The following CREB5 variants were observed in gnomAD, a reference collection of about 807,000 sequenced individuals.
CREB5 encodes the protein cAMP responsive element binding protein 5.
In CREB5, 19 loss-of-function variants were observed where a neutral mutation model predicts 57.1. That is an observed-to-expected ratio of 0.33 (90% CI 0.23 to 0.49). CREB5 has a LOEUF of 0.49. Among genes scored for constraint, CREB5 ranks in the 20% least tolerant of loss-of-function variants. CREB5 has a pLI of 0.99. For missense variants in CREB5, 579 were observed against 671.6 expected (o/e 0.86, Z 1.52); for synonymous variants, 238 against 238.3 (o/e 1.00, Z 0.01).
chr7:28,709,452 G>A (rs533987721), intron 5 of CREB5, among the ~76,000 whole-genome samples: 1 of 152,016 alleles, frequency 6.6e-6, no homozygotes, highest in Non-Finnish European at 1.5e-5. Flanking sequence ...CACTAAAGAA[G>A]CCAAAAAAAG....
At chr7:28,548,247 T>A (rs1189832224) in intron 4 of CREB5, among the ~76,000 whole-genome samples, 2 of 152,134 alleles carry the variant, frequency 1.3e-5, no homozygotes, top group Admixed American at 6.6e-5. Flanking sequence ...TGCAGCTCCA[T>A]CTCCTCTATC....
intron 7 of CREB5, among the ~76,000 whole-genome samples, chr7:28,755,831 C>T (rs1379446114): frequency 6.6e-6 from 1 of 152,022 alleles, no homozygotes; most frequent in African/African-American, 2.4e-5. Context: ...TTCAGGTAGG[C>T]CCTAAAATCT....
chr7:28,338,705 C>T (rs1182945210), intron 1 of CREB5, among the ~76,000 whole-genome samples: 2 of 152,112 alleles, frequency 1.3e-5, no homozygotes, highest in African/African-American at 4.8e-5. Context: ...TTTGAATAAA[C>T]TTTTTACTCC....
At chr7:28,313,596 C>A (rs1363680732) in intron 1 of CREB5, among the ~76,000 whole-genome samples, 4 of 152,078 alleles carry the variant, frequency 2.6e-5, no homozygotes, top group African/African-American at 9.7e-5. Context: ...TTTGAGTGCC[C>A]AGTGTGTTTC....
At chr7:28,337,866 G>C (rs543416751) in intron 1 of CREB5, among the ~76,000 whole-genome samples, 1 of 151,564 alleles carries the variant, frequency 6.6e-6, no homozygotes, top group East Asian at 1.9e-4. Context: ...TTGTGTATTC[G>C]TTGTATGTTT....
chr7:28,358,562 C>T (rs1173159093), intron 1 of CREB5, among the ~76,000 whole-genome samples: 1 of 152,188 alleles, frequency 6.6e-6, no homozygotes, highest in Non-Finnish European at 1.5e-5. Context: ...CCTTGATTGC[C>T]AATTAGCCAG....
chr7:28,776,101 GC>G (rs1236065388), intron 7 of CREB5, among the ~76,000 whole-genome samples: 1 of 151,934 alleles, frequency 6.6e-6, no homozygotes, highest in East Asian at 1.9e-4. Flanking sequence ...GCTTTGGGAG[GC>G]CGAGGCGGGC....
intron 4 of CREB5, among the ~76,000 whole-genome samples, chr7:28,555,475 T>G (rs1413109548): frequency 6.6e-6 from 1 of 152,252 alleles, no homozygotes; most frequent in Non-Finnish European, 1.5e-5. Flanking sequence ...TTTGACTTTT[T>G]AGGGAAGATT....
At chr7:28,735,000 C>T (rs1803889162) in intron 7 of CREB5, among the ~76,000 whole-genome samples, 1 of 152,168 alleles carries the variant, frequency 6.6e-6, no homozygotes, top group Admixed American at 6.5e-5. Context: ...TCCTCTGCTG[C>T]ATTTTGAAAA....
intron 9 of CREB5, 150 bp from the exon 10 acceptor site, chr7:28,817,921 A>T (rs1809533067): frequency 5.4e-6 from 3 of 556,448 alleles, no homozygotes; most frequent in East Asian, 6.3e-5. Context: ...GGTAAGCTAC[A>T]AACTTTCAGG....
In CREB5 at chr7:28,506,706, C is replaced by T. The variant is rs183944553; in HGVS notation, c.170-910C>T. On this transcript the variant is annotated intron_variant, in intron 3 of 10. Coordinates refer to ENST00000357727, the MANE Select transcript of CREB5 (RefSeq NM_182898.4). ...ATTTACACAATTTTATTTGTCTCAA[C>T]TCAAGTACACCTTCACCAAGGAAGA... is the stretch of plus-strand genomic sequence containing the variant. Among the ~76,000 whole-genome samples, 564 of 152,334 alleles carry T rather than the reference C, an allele frequency of 3.7e-3. 4 individuals are homozygous for T. Among genetic ancestry groups the T allele is most frequent in the Admixed American group, 6.1e-3 (93 of 15,308 alleles).
chr7:28,387,867 T>C (rs1215242141), intron 1 of CREB5, among the ~76,000 whole-genome samples: 1 of 152,196 alleles, frequency 6.6e-6, no homozygotes, highest in Non-Finnish European at 1.5e-5. Context: ...ACCTTATTAC[T>C]TTCTCAGGTT....
intron 7 of CREB5, among the ~76,000 whole-genome samples, chr7:28,733,776 G>C (rs1239019854): frequency 7.9e-5 from 12 of 152,114 alleles, no homozygotes; most frequent in Non-Finnish European, 7.4e-5. Context: ...GTACTTGCTA[G>C]GTGCCCAGTA....
In CREB5 at chr7:28,315,975, C is replaced by T. The variant is rs187240613; in HGVS notation, c.-25+16534C>T. Reference sequence around the variant, plus strand: ...GTCCTGGTTTTTTTTACCTGCCAACCACATTTCCTCCGGGGAGTTTTTCGG... The same window carrying T: ...GTCCTGGTTTTTTTTACCTGCCAACTACATTTCCTCCGGGGAGTTTTTCGG... On this transcript the variant is annotated intron_variant, in intron 1 of 9. Transcript: ENST00000396299. Among the ~76,000 whole-genome samples, 32 of 152,290 alleles carry T rather than the reference C, an allele frequency of 2.1e-4. No individual in the cohort carries two copies. In the East Asian group the frequency reaches 5.8e-3, roughly 28 times the overall value.
intron 5 of CREB5, among the ~76,000 whole-genome samples, chr7:28,698,226 T>A (rs998978775): frequency 2.0e-5 from 3 of 151,868 alleles, no homozygotes; most frequent in African/African-American, 7.3e-5. Flanking sequence ...AGTTTCCCTA[T>A]CCCCAGACAT....
chr7:28,364,685 C>T (rs1159007880), intron 1 of CREB5, among the ~76,000 whole-genome samples: 3 of 152,166 alleles, frequency 2.0e-5, no homozygotes, highest in African/African-American at 7.2e-5. Context: ...GATCTTGACC[C>T]TCTTGCTCCA....
chr7:28,614,196 C>T (rs529864495), intron 5 of CREB5, among the ~76,000 whole-genome samples: 3 of 152,252 alleles, frequency 2.0e-5, no homozygotes, highest in South Asian at 2.1e-4. Flanking sequence ...TGGGCCCAAG[C>T]GATCTGTCCT....
chr7:28,354,456 G>A (rs1786300021), intron 1 of CREB5, among the ~76,000 whole-genome samples: 1 of 152,228 alleles, frequency 6.6e-6, no homozygotes, highest in Middle Eastern at 3.4e-3. Flanking sequence ...TTTCAGTTTT[G>A]GGACTCAAAC....
At chr7:28,416,724 G>A (rs562268006) in intron 1 of CREB5, among the ~76,000 whole-genome samples, 1 of 152,314 alleles carries the variant, frequency 6.6e-6, no homozygotes, top group Admixed American at 6.5e-5. Context: ...AACGCTGGGG[G>A]CCTCCAGGGT....
Sources: allele counts gnomAD v4.1 joint callset (sites outside exome capture counted in the v4.1 genomes callset), GRCh38; gene constraint gnomAD v4.1.1; transcripts MANE v1.5; gene names NCBI Gene and HGNC (gene_info 2026-07-23, HGNC 2026-07-21).